Variants in SGMS1 observed in about 807,000 individuals in gnomAD.
The protein encoded by SGMS1 is phosphatidylcholine:ceramide cholinephosphotransferase 1.
SGMS1 carries 13 observed loss-of-function variants against 46.2 expected under a neutral mutation model. That is an observed-to-expected ratio of 0.28 (90% CI 0.18 to 0.45). The LOEUF (loss-of-function observed/expected upper bound fraction) is 0.45. SGMS1 is among the 20% of genes least tolerant of loss of function. The pLI, the probability that SGMS1 is intolerant of heterozygous loss-of-function variation, is 1.00. For missense variants in SGMS1, 324 were observed against 519.9 expected (o/e 0.62, Z 3.66); for synonymous variants, 203 against 187.8 (o/e 1.08, Z -0.66).
intron 6 of SGMS1, among the ~76,000 whole-genome samples, chr10:50,357,589 C>T (rs991309671): frequency 2.0e-5 from 3 of 152,068 alleles, no homozygotes; most frequent in Non-Finnish European, 4.4e-5. Context: ...TACTCCAACC[C>T]CAGTGTCTCA....
intron 6 of SGMS1, among the ~76,000 whole-genome samples, chr10:50,401,275 C>T (rs1848936594): frequency 6.6e-6 from 1 of 152,208 alleles, no homozygotes; most frequent in South Asian, 2.1e-4. Context: ...TGGCCACCCT[C>T]TTAATCTGAA....
intron 6 of SGMS1, among the ~76,000 whole-genome samples, chr10:50,357,856 G>A (rs906782919): frequency 6.6e-6 from 1 of 152,204 alleles, no homozygotes; most frequent in East Asian, 1.9e-4. Flanking sequence ...AGTGAAGAAA[G>A]TACTGAGAAA....
At chr10:50,507,228 C>G (rs1234293505) in intron 3 of SGMS1, among the ~76,000 whole-genome samples, 2 of 152,182 alleles carry the variant, frequency 1.3e-5, no homozygotes, top group Non-Finnish European at 2.9e-5. Context: ...TCAAGCTTTC[C>G]TAAGGAACAC....
chr10:50,458,392 G>A (rs1311796248), intron 5 of SGMS1, among the ~76,000 whole-genome samples: 5 of 120,864 alleles, frequency 4.1e-5, no homozygotes, highest in South Asian at 2.6e-4. Context: ...GTCTCGCTCC[G>A]TCGCCCAGGC....
At chr10:50,592,084 G>T (rs1351700952) in intron 1 of SGMS1, among the ~76,000 whole-genome samples, 1 of 152,176 alleles carries the variant, frequency 6.6e-6, no homozygotes, top group Non-Finnish European at 1.5e-5. Flanking sequence ...TCACAAGGAT[G>T]TTGGGATCCA....
At chr10:50,488,885 G>A (rs1837545424) in intron 3 of SGMS1, among the ~76,000 whole-genome samples, 1 of 152,146 alleles carries the variant, frequency 6.6e-6, no homozygotes, top group Non-Finnish European at 1.5e-5. Flanking sequence ...ATTGGTCATA[G>A]TTTCCTCAAG....
intron 3 of SGMS1, among the ~76,000 whole-genome samples, chr10:50,484,302 A>G (rs1188667565): frequency 1.3e-5 from 2 of 152,192 alleles, no homozygotes; most frequent in Non-Finnish European, 2.9e-5. Context: ...TCTAGAAGAA[A>G]TGGATAAATT....
intron 7 of SGMS1, among the ~76,000 whole-genome samples, chr10:50,336,363 T>A (rs149176602): frequency 2.0e-5 from 3 of 152,342 alleles, no homozygotes; most frequent in African/African-American, 7.2e-5. Flanking sequence ...TCAGTGGTCT[T>A]AAGTGCAGAA....
At chr10:50,593,115 C>T (rs148610047) in intron 1 of SGMS1, among the ~76,000 whole-genome samples, 33 of 152,336 alleles carry the variant, frequency 2.2e-4, no homozygotes, top group African/African-American at 7.7e-4. Context: ...GCTCAAGAAG[C>T]TCTGCAGAGA....
intron 1 of SGMS1, among the ~76,000 whole-genome samples, chr10:50,596,302 G>C (rs904583455): frequency 6.6e-6 from 1 of 151,524 alleles, no homozygotes; most frequent in Non-Finnish European, 1.5e-5. Context: ...TCAGCCTCCC[G>C]AATAGCTGGG....
intron 2 of SGMS1, among the ~76,000 whole-genome samples, chr10:50,543,171 CA>C (rs1838071146): frequency 6.6e-6 from 1 of 152,076 alleles, no homozygotes; most frequent in Admixed American, 6.6e-5. Flanking sequence ...ATTTCCATTA[CA>C]ATATGCTCAG....
At chr10:50,372,086 C>T (rs1848443787) in intron 6 of SGMS1, among the ~76,000 whole-genome samples, 1 of 152,178 alleles carries the variant, frequency 6.6e-6, no homozygotes. Flanking sequence ...AGAATCAAAG[C>T]TCCATAAGGG....
Position 50,497,876 on chromosome 10 carries a change from G to A in SGMS1, c.-498+21955C>T, listed in dbSNP as rs537220243. On this transcript the variant is annotated intron_variant, in intron 3 of 10. Coordinates refer to ENST00000361781, the MANE Select transcript of SGMS1 (RefSeq NM_147156.4). ...CTACCATCTAACACTGTGCCTAACT[G>A]AAATGCATGACTTTCAGTTAGAGGT... Among the ~76,000 whole-genome samples, 5 of 152,236 alleles carry A rather than the reference G, an allele frequency of 3.3e-5. No homozygotes were observed. In the South Asian group the frequency reaches 6.2e-4, roughly 19 times the overall value.
At chr10:50,394,582 T>TG (rs1389970041) in intron 6 of SGMS1, among the ~76,000 whole-genome samples, 1 of 152,290 alleles carries the variant, frequency 6.6e-6, no homozygotes, top group African/African-American at 2.4e-5. Context: ...GCACAAATTC[T>TG]GGTGCCAGGC....
At chr10:50,598,226 T>A (rs918202927) in intron 1 of SGMS1, among the ~76,000 whole-genome samples, 3 of 151,756 alleles carry the variant, frequency 2.0e-5, no homozygotes, top group African/African-American at 7.3e-5. Context: ...CAGAGAGAGA[T>A]GACTTCTCTC....
At chr10:50,420,258 C>T (rs754471006) in intron 6 of SGMS1, among the ~76,000 whole-genome samples, 37 of 152,216 alleles carry the variant, frequency 2.4e-4, no homozygotes, top group Non-Finnish European at 4.1e-4. Flanking sequence ...ATCATCTGAG[C>T]TCCCTCTTTT....
At chr10:50,352,179 A>C (rs1848030003) in intron 6 of SGMS1, among the ~76,000 whole-genome samples, 1 of 152,228 alleles carries the variant, frequency 6.6e-6, no homozygotes, top group Non-Finnish European at 1.5e-5. Context: ...TATGGAAGTG[A>C]ACTGTTGGAC....
intron 3 of SGMS1, among the ~76,000 whole-genome samples, chr10:50,473,527 C>T (rs1042566226): frequency 1.5e-4 from 23 of 152,250 alleles, no homozygotes; most frequent in African/African-American, 5.3e-4. Flanking sequence ...AAACCTGTCT[C>T]TGTGTTTCTA....
At chr10:50,590,558 T>C (rs1838530759) in intron 1 of SGMS1, 1 of 152,180 alleles carries the variant, frequency 6.6e-6, no homozygotes, top group Non-Finnish European at 1.5e-5. Context: ...ATTTAAAGTG[T>C]ACAAGGTGAT....
Sources: allele counts gnomAD v4.1 joint callset (sites outside exome capture counted in the v4.1 genomes callset), GRCh38; gene constraint gnomAD v4.1.1; transcripts MANE v1.5; gene names NCBI Gene and HGNC (gene_info 2026-07-23, HGNC 2026-07-21).